CCDC24: variants seen among roughly 807,000 people sequenced by gnomAD.
CCDC24 encodes the protein coiled-coil domain-containing protein 24.
In CCDC24, 34 loss-of-function variants were observed where a neutral mutation model predicts 31.6. That is an observed-to-expected ratio of 1.08 (90% CI 0.82 to 1.43). The LOEUF is 1.43. CCDC24 is among the 40% of genes most tolerant of loss of function. The probability of loss-of-function intolerance (pLI) is 0.00; values close to 1 mark genes in which losing one functional copy is unlikely to be tolerated. For synonymous variants in CCDC24, 175 were observed against 157.3 expected, an observed-to-expected ratio of 1.11 and a Z score of -0.84; for missense variants, 426 against 391.1, an observed-to-expected ratio of 1.09 and a Z score of -0.75.
chr1:43,992,513 C>T lies in CCDC24; in HGVS notation c.303-10C>T. 2 of 1,614,148 alleles carry T rather than the reference C, an allele frequency of 1.2e-6. No homozygotes were observed. The highest frequency in any genetic ancestry group is 1.7e-6 in the Non-Finnish European group (2 of 1,179,960). The stretch of plus-strand genomic sequence containing the variant: ...AGCCTCTCAGCTTCCTTCCTGTGCA[C>T]CTTCTGCAGGGACCAGGCCCAAGCT... On this transcript the variant is annotated splice_polypyrimidine_tract_variant and intron_variant, in intron 3 of 8. Coordinates refer to ENST00000372318, the MANE Select transcript of CCDC24 (RefSeq NM_152499.4).
At chr1:43,993,475 G>A (rs142875219) in intron 4 of CCDC24, among the ~76,000 whole-genome samples, 1 of 151,142 alleles carries the variant, frequency 6.6e-6, no homozygotes, top group Non-Finnish European at 1.5e-5. Flanking sequence ...GCAACATAGT[G>A]AGACCCCATC....
rs1255482107 is a variant in CCDC24 at position 43,995,801 on chromosome 1, A to G, written c.646A>G (p.Met216Val). 3.1e-6 allele frequency: 5 copies of G among 1,614,112 alleles called. No homozygotes were observed. Among genetic ancestry groups the G allele is most frequent in the Non-Finnish European group, 4.2e-6 (5 of 1,180,042 alleles). ...AGAGCTAAAGGAACAGAAGAAGGCCATGGAGCAGGAGCTGCAGGCATCTGT... is the reference window on the plus strand; with the variant it reads ...AGAGCTAAAGGAACAGAAGAAGGCCGTGGAGCAGGAGCTGCAGGCATCTGT... ...LAELKEQKKA[M>V]EQELQASVGP... The change falls in exon 8 of 9, where the codon ATG (methionine) becomes GTG (valine). Residue 216 changes from methionine (M) to valine (V), a missense_variant. Coordinates refer to ENST00000372318, the MANE Select transcript of CCDC24 (RefSeq NM_152499.4). The surrounding 1 kb of genome is among the most constrained non-coding windows in gnomAD (Gnocchi z 4.3).
rs1386857471 is a variant in CCDC24 at position 43,991,740 on chromosome 1, A to G, written c.-39A>G. ...TCCCAGCCGAGGGGACCAGCGGCAG[A>G]GCACGGGTGGGGCTTGGGAGAGGGC... is the stretch of plus-strand genomic sequence containing the variant. On this transcript the variant is annotated 5_prime_UTR_variant, in exon 1 of 9. Coordinates refer to ENST00000372318, the MANE Select transcript of CCDC24 (RefSeq NM_152499.4). 8.9e-7 allele frequency: 1 copy of G among 1,124,386 alleles called. No homozygotes were observed. The allele number at this position is 1,124,386 out of a possible 1,614,324, so 69.7% of individuals were successfully genotyped here. A position where few individuals can be genotyped will look rare whatever the true frequency, so the allele number is the denominator to read the frequency against.
In CCDC24 at chr1:43,992,521, A is replaced by G. The variant is rs758179358; in HGVS notation, c.303-2A>G. 2.5e-6 allele frequency: 4 copies of G among 1,614,190 alleles called. No homozygotes were observed. The highest frequency in any genetic ancestry group is 2.2e-5 in the East Asian group (1 of 44,880). On this transcript the variant is annotated splice_acceptor_variant, in intron 3 of 8. Coordinates refer to ENST00000372318, the MANE Select transcript of CCDC24 (RefSeq NM_152499.4). LOFTEE classifies it high-confidence loss of function. ...AGCTTCCTTCCTGTGCACCTTCTGC[A>G]GGGACCAGGCCCAAGCTTGGGTCCA... is the stretch of plus-strand genomic sequence containing the variant.
intron 4 of CCDC24, 66 bp from the exon 5 acceptor site, chr1:43,993,821 T>G: frequency 1.4e-6 from 2 of 1,420,862 alleles, no homozygotes; most frequent in Admixed American, 1.7e-5. Context: ...TGCCTAGAAG[T>G]GATATTTGGG....
chr1:43,992,627 G>A lies in CCDC24; in HGVS notation c.407G>A (p.Gly136Asp), dbSNP rs780096688. The A allele has an allele frequency of 5.0e-6, 8 of 1,614,212 alleles. No homozygotes were observed. The highest frequency in any genetic ancestry group is 6.8e-6 in the Non-Finnish European group (8 of 1,180,012). Reference sequence around the variant, plus strand: ...GAACAGGAGATATTCCAGATGAGAGGTGGTGGGCCCAGGTAAGGTGATGGT... The same window carrying A: ...GAACAGGAGATATTCCAGATGAGAGATGGTGGGCCCAGGTAAGGTGATGGT... ...LPEQEIFQMR[G>D]GGPSSGHRDL... The change falls in exon 4 of 9, where the codon GGT (glycine) becomes GAT (aspartate). Residue 136 changes from glycine (G) to aspartate (D), a missense_variant. By Grantham distance (94) the Gly-to-Asp change is moderately conservative. Transcript: ENST00000372318.
Position 43,996,461 on chromosome 1 carries a change from C to A in CCDC24, c.*301C>A. 1 of 384,696 alleles carries A rather than the reference C, an allele frequency of 2.6e-6. No individual in the cohort carries two copies. The highest frequency in any genetic ancestry group is 4.2e-5 in the Admixed American group (1 of 23,770). 23.8% of individuals were successfully genotyped at this position (384,696 alleles called of 1,614,324 possible). ...GCCTGACTCTTGTCCCCTGGGGGAC[C>A]CAGACAAAGCACAGCAGCCGCTCAG... On this transcript the variant is annotated 3_prime_UTR_variant, in exon 9 of 9. Transcript: ENST00000372318.
At position 43,996,037 on chromosome 1, in the gene CCDC24, G is replaced by A. The variant is rs754375864; in HGVS notation, c.801G>A (p.Glu267=). The A allele has an allele frequency of 6.2e-6, 10 of 1,614,148 alleles. No homozygotes were observed. Among genetic ancestry groups the A allele is most frequent in the Non-Finnish European group, 8.5e-6 (10 of 1,180,038 alleles). The part of the protein sequence containing the change: ...LQCCLPAPPL[E]PYLRPRGQSA... ...GCTGCCTGCCTGCACCTCCTCTGGAGCCCTACCTTCGACCTCGAGGCCAGT... is the reference window on the plus strand; with the variant it reads ...GCTGCCTGCCTGCACCTCCTCTGGAACCCTACCTTCGACCTCGAGGCCAGT... The change falls in exon 9 of 9, where the codon GAG becomes GAA. Residue 267 remains glutamate (E), a synonymous_variant. Coordinates refer to ENST00000372318, the MANE Select transcript of CCDC24 (RefSeq NM_152499.4).
chr1:43,994,566 G>A (rs959754972), intron 5 of CCDC24: 2 of 158,278 alleles, frequency 1.3e-5, no homozygotes, highest in African/African-American at 4.9e-5. Context: ...TAAGCCTCCC[G>A]AGTAGCTGGG....
rs1333965019 is a variant in CCDC24 at position 43,991,966 on chromosome 1, G to C, written c.88G>C (p.Glu30Gln). The C allele has an allele frequency of 5.9e-6, 9 of 1,530,352 alleles. No individual in the cohort carries two copies. The highest frequency in any genetic ancestry group is 1.4e-5 in the African/African-American group (1 of 72,812). The allele number at this position is 1,530,352 out of a possible 1,614,324, so 94.8% of individuals were successfully genotyped here. The change falls in exon 2 of 9, where the codon GAG becomes CAG. Residue 30 changes from glutamate to glutamine, a missense_variant. Coordinates refer to ENST00000372318, the MANE Select transcript of CCDC24 (RefSeq NM_152499.4). ...ACGCGAAGTGAAGAGGATTCTGGGG[G>C]AGGCGGCGGTGGACCTGAGCCTGGA... ...ERREVKRILG[E>Q]AAVDLSLELR... is the part of the protein sequence containing the mutation.
At chr1:43,993,840 G>C (rs1372751853) in intron 4 of CCDC24, 47 bp from the exon 5 acceptor site, 1 of 1,577,522 alleles carries the variant, frequency 6.3e-7, no homozygotes, top group Non-Finnish European at 8.7e-7. Context: ...GGTCCTGAAG[G>C]CCTGGGGTGA....
In CCDC24 at chr1:43,995,564, G is replaced by T. The variant is rs371879890; in HGVS notation, c.553-37G>T. On this transcript the variant is annotated intron_variant, in intron 6 of 8. Coordinates refer to ENST00000372318, the MANE Select transcript of CCDC24 (RefSeq NM_152499.4). This position sits in a 1 kb window ranked among gnomAD's most constrained non-coding sequence, Gnocchi z 4.3. ...CTGTATCCTGCCTTGCCCCACCCCT[G>T]CCTTGAGTCTGGGCACTGACGCAGC... is the stretch of plus-strand genomic sequence containing the variant. The T allele has an allele frequency of 1.5e-5, 23 of 1,560,734 alleles. No individual in the cohort carries two copies. Among genetic ancestry groups the T allele is most frequent in the East Asian group, 2.3e-5 (1 of 43,506 alleles).
Position 43,992,193 on chromosome 1 carries a change from A to T in CCDC24, c.127-19A>T. On this transcript the variant is annotated intron_variant, in intron 2 of 8. Transcript: ENST00000372318. The stretch of plus-strand genomic sequence containing the variant: ...ACACTCCCCTCCCCAGTCGCAAGGT[A>T]TCCCAGCTCTCCTTGCAGGTGGCGA... 1 of 1,603,370 alleles carries T rather than the reference A, an allele frequency of 6.2e-7. No individual in the cohort carries two copies. The highest frequency in any genetic ancestry group is 1.1e-5 in the South Asian group (1 of 89,770).
chr1:43,995,130 C>A lies in CCDC24; in HGVS notation c.520C>A (p.His174Asn), dbSNP rs769221473. ...CAGGGGCCTTCTGGAGGAGGAGTGTCACACCTTGGAGAGGGAGATCCTCAT... is the reference window on the plus strand; with the variant it reads ...CAGGGGCCTTCTGGAGGAGGAGTGTAACACCTTGGAGAGGGAGATCCTCAT... ...HLRGLLEEEC[H>N]TLEREILILQ... The change falls in exon 6 of 9, where the codon CAC (histidine) becomes AAC (asparagine). Residue 174 changes from histidine (H) to asparagine (N), a missense_variant. By Grantham distance (68) the His-to-Asn change is moderately conservative. Coordinates refer to ENST00000372318, the MANE Select transcript of CCDC24 (RefSeq NM_152499.4). This position sits in a 1 kb window ranked among gnomAD's most constrained non-coding sequence, Gnocchi z 4.3. 1 of 1,582,614 alleles carries A rather than the reference C, an allele frequency of 6.3e-7. No homozygotes were observed. The highest frequency in any genetic ancestry group is 2.3e-5 in the East Asian group (1 of 43,238).
chr1:43,994,945 G>C (rs1281319736), intron 5 of CCDC24, 163 bp from the exon 6 acceptor site: 1 of 638,264 alleles, frequency 1.6e-6, no homozygotes, highest in Non-Finnish European at 2.8e-6. Context: ...GGGGCCAGAC[G>C]TCTATGCTGG....
chr1:43,995,227 G>GAGTCT lies in CCDC24; in HGVS notation c.552+66_552+67insGTCTA. ...TGAGCGTAGACTCTCACCTGGGTGA[G>GAGTCT]ACCCATGTACCTGTGTGCATACATA... On this transcript the variant is annotated intron_variant, in intron 6 of 8. Coordinates refer to ENST00000372318, the MANE Select transcript of CCDC24 (RefSeq NM_152499.4). This position sits in a 1 kb window ranked among gnomAD's most constrained non-coding sequence, Gnocchi z 4.3. The GAGTCT allele has an allele frequency of 1.4e-6, 2 of 1,480,038 alleles. No individual in the cohort carries two copies. The highest frequency in any genetic ancestry group is 1.8e-6 in the Non-Finnish European group (2 of 1,090,228). 91.7% of individuals were successfully genotyped at this position (1,480,038 alleles called of 1,614,324 possible).
In CCDC24 at chr1:43,995,941, G is replaced by A; in HGVS notation, c.705G>A (p.Gln235=). Residue 235 remains glutamine (Q), a synonymous_variant, in exon 9 of 9, where the codon CAG becomes CAA. Transcript: ENST00000372318. The surrounding 1 kb of genome is among the most constrained non-coding windows in gnomAD (Gnocchi z 4.3). ...ACAGTTACTCTTTCTTGTCCAGGCAGCGGCCCTTGGGGTCCTCCACACAGG... is the reference window on the plus strand; with the variant it reads ...ACAGTTACTCTTTCTTGTCCAGGCAACGGCCCTTGGGGTCCTCCACACAGG... The part of the protein sequence containing the change: ...GPSCVSPNHR[Q]RPLGSSTQGL... The A allele has an allele frequency of 6.2e-7, 1 of 1,614,048 alleles. No homozygotes were observed. The highest frequency in any genetic ancestry group is 8.5e-7 in the Non-Finnish European group (1 of 1,179,914).
chr1:43,994,880 T>C (rs145567304), intron 5 of CCDC24: 171 of 587,680 alleles, frequency 2.9e-4, no homozygotes, highest in African/African-American at 2.9e-3. Flanking sequence ...GAAGGATGCC[T>C]GCCAGGGTGA....
At chr1:43,993,242 A>G (rs1335674192) in intron 4 of CCDC24, among the ~76,000 whole-genome samples, 2 of 151,674 alleles carry the variant, frequency 1.3e-5, no homozygotes, top group African/African-American at 4.8e-5. Context: ...GGAGTTTGAG[A>G]TCAGCCTGGG....
Sources: gnomAD v4.1 joint callset for allele counts (sites outside exome capture counted in the v4.1 genomes callset) on GRCh38, gnomAD v4.1.1 for gene constraint, Gnocchi (gnomAD v3.1) non-coding constraint, MANE v1.5 for transcripts, NCBI Gene and HGNC (gene_info 2026-07-23, HGNC 2026-07-21) for gene names.